Variants in ZNF536 observed in about 807,000 individuals in gnomAD.
ZNF536 encodes zinc finger protein 536.
In ZNF536, 13 loss-of-function variants were observed where a neutral mutation model predicts 84.5. The observed-to-expected ratio is 0.15, with a 90% CI of 0.10 to 0.24. The LOEUF (loss-of-function observed/expected upper bound fraction) is 0.24, where lower values mean the gene tolerates loss of function less well. Among genes scored for constraint, ZNF536 ranks in the 10% least tolerant of loss-of-function variants. The pLI is 1.00. For missense variants in ZNF536, 1,536 were observed against 1,747.5 expected, an observed-to-expected ratio of 0.88 and a Z score of 2.16; for synonymous variants, 811 against 742.5, an observed-to-expected ratio of 1.09 and a Z score of -1.50.
chr19:30,553,653 C>T (rs1200864984), intron 4 of ZNF536, among the ~76,000 whole-genome samples: 1 of 152,178 alleles, frequency 6.6e-6, no homozygotes, highest in Non-Finnish European at 1.5e-5. Flanking sequence ...GGAAGGCTGG[C>T]TGAACTGGTA....
intron 3 of ZNF536, among the ~76,000 whole-genome samples, chr19:30,358,370 C>T (rs1034970956): frequency 8.5e-5 from 13 of 152,312 alleles, no homozygotes; most frequent in African/African-American, 2.9e-4. Context: ...TCACCTCCCC[C>T]GGGATGCCCA....
intron 1 of ZNF536, among the ~76,000 whole-genome samples, chr19:30,613,871 T>G (rs1251331899): frequency 6.6e-6 from 1 of 152,224 alleles, no homozygotes; most frequent in East Asian, 1.9e-4. Flanking sequence ...ATTTATTTAT[T>G]TATTTTTCTG....
intron 3 of ZNF536, among the ~76,000 whole-genome samples, chr19:30,358,928 C>T (rs940298852): frequency 4.6e-5 from 7 of 152,200 alleles, no homozygotes; most frequent in African/African-American, 1.7e-4. Context: ...GGTCTCTTCA[C>T]TCTTGGGGAG....
In ZNF536 at chr19:30,577,936, G is replaced by A. The variant is rs370135114; in HGVS notation, c.169+28422G>A. ...GTTTCCTGTGGTGGGGATGAAGAGA[G>A]TTTCGCAGGCAATGGGAGGAAAATG... On this transcript the variant is annotated intron_variant, in intron 1 of 1. Transcript: ENST00000592773. Among the ~76,000 whole-genome samples the A allele has an allele frequency of 3.9e-5, 6 of 152,212 alleles. No homozygotes were observed. The South Asian group carries it at 1.2e-3, about 32-fold the overall frequency.
rs10402129 is a variant in ZNF536 at position 30,353,992 on chromosome 19, G to A, written c.-3+1508G>A. ...GAACATTCCACTCTGCTTGCCTCCC[G>A]AGATGGAGAAGGTGCTGAAAGCTGC... is the stretch of plus-strand genomic sequence containing the variant. On this transcript the variant is annotated intron_variant, in intron 3 of 5. Coordinates refer to the ZNF536 transcript ENST00000585628. Among the ~76,000 whole-genome samples, 135 of 152,282 alleles carry A rather than the reference G, an allele frequency of 8.9e-4. 1 individual carries two copies. Among genetic ancestry groups the A allele is most frequent in the African/African-American group, 3.0e-3 (124 of 41,558 alleles).
chr19:30,608,971 A>T (rs892261695), intron 1 of ZNF536, among the ~76,000 whole-genome samples: 1 of 152,190 alleles, frequency 6.6e-6, no homozygotes. Context: ...GAAGTGGAGA[A>T]GTCCAGGTGA....
chr19:30,561,967 T>C (rs2046185183), downstream of ZNF536, among the ~76,000 whole-genome samples: 1 of 152,166 alleles, frequency 6.6e-6, no homozygotes, highest in Non-Finnish European at 1.5e-5. Context: ...TGAGAACAGA[T>C]GTGCAGGTCA....
intron 1 of ZNF536, among the ~76,000 whole-genome samples, chr19:30,673,749 C>T (rs765277536): frequency 5.9e-5 from 9 of 152,218 alleles, no homozygotes; most frequent in African/African-American, 1.7e-4. Flanking sequence ...CGTGCACGGA[C>T]GCACGTCCCG....
At chr19:30,683,792 C>T (rs1436326620) in intron 1 of ZNF536, among the ~76,000 whole-genome samples, 1 of 152,160 alleles carries the variant, frequency 6.6e-6, no homozygotes, top group Non-Finnish European at 1.5e-5. Flanking sequence ...TCAACTATCA[C>T]CCACTCCACT....
chr19:30,280,500 G>A (rs771458534), intron 1 of ZNF536, among the ~76,000 whole-genome samples: 16 of 152,202 alleles, frequency 1.1e-4, no homozygotes, highest in Non-Finnish European at 1.0e-4. Flanking sequence ...ACTGTCCTCT[G>A]CATGTGCCCG....
chr19:30,503,578 TAGA>T (rs2055037681), intron 2 of ZNF536, among the ~76,000 whole-genome samples: 1 of 152,142 alleles, frequency 6.6e-6, no homozygotes. Flanking sequence ...TGTGCAAAAA[TAGA>T]AACATTCTCA....
intron 2 of ZNF536, among the ~76,000 whole-genome samples, chr19:30,524,033 CCCCA>C (rs1220103241): frequency 6.6e-6 from 1 of 152,224 alleles, no homozygotes; most frequent in Non-Finnish European, 1.5e-5. Flanking sequence ...GGGGCATTGC[CCCCA>C]CCCCGTGCCC....
intron 1 of ZNF536, among the ~76,000 whole-genome samples, chr19:30,598,023 G>A (rs1457109577): frequency 6.6e-6 from 1 of 152,170 alleles, no homozygotes; most frequent in Non-Finnish European, 1.5e-5. Context: ...ATACATTGTT[G>A]TTGATGGTGT....
At chr19:30,446,997 C>T (rs1291457808) in intron 2 of ZNF536, among the ~76,000 whole-genome samples, 5 of 152,196 alleles carry the variant, frequency 3.3e-5, no homozygotes, top group African/African-American at 2.4e-5. Flanking sequence ...ATACTGTAAT[C>T]ATTCTGCAGC....
Position 30,620,977 on chromosome 19 carries a change from A to G in ZNF536, c.169+71463A>G, listed in dbSNP as rs28439310. Among the ~76,000 whole-genome samples, 737 of 152,282 alleles carry G rather than the reference A, an allele frequency of 4.8e-3. 6 individuals carry two copies. Among genetic ancestry groups the G allele is most frequent in the African/African-American group, 0.017 (700 of 41,558 alleles). ...CTTTATATTTTTAGAAGTGCTGAAC[A>G]AAAGGAAGGGGCTTCTAATCAAGAG... On this transcript the variant is annotated intron_variant, in intron 1 of 1. Transcript: ENST00000592773.
At chr19:30,397,560 A>G (rs1343536703) in intron 1 of ZNF536, among the ~76,000 whole-genome samples, 1 of 152,158 alleles carries the variant, frequency 6.6e-6, no homozygotes, top group Non-Finnish European at 1.5e-5. Context: ...CAATTATCTC[A>G]AGACAAAAAG....
intron 1 of ZNF536, among the ~76,000 whole-genome samples, chr19:30,701,512 CAAACACACAGACACACAA>C (rs2051978103): frequency 3.4e-5 from 3 of 88,976 alleles, no homozygotes; most frequent in African/African-American, 1.1e-4. Flanking sequence ...CAAAAACTCA[CAAACACACAGACACACAA>C]ACACACAGAC....
intron 1 of ZNF536, among the ~76,000 whole-genome samples, chr19:30,247,206 C>T (rs559034573): frequency 1.3e-5 from 2 of 152,364 alleles, no homozygotes; most frequent in South Asian, 4.1e-4. Flanking sequence ...GGTGTGCCCC[C>T]ATTGTAGGCC....
chr19:30,619,449 T>A (rs1751727857), intron 1 of ZNF536, among the ~76,000 whole-genome samples: 1 of 152,212 alleles, frequency 6.6e-6, no homozygotes, highest in African/African-American at 2.4e-5. Flanking sequence ...ACCAAGGTCC[T>A]CAAAGCAGCT....
Sources: allele counts gnomAD v4.1 joint callset (sites outside exome capture counted in the v4.1 genomes callset), GRCh38; gene constraint gnomAD v4.1.1; transcripts MANE v1.5; gene names NCBI Gene and HGNC (gene_info 2026-07-23, HGNC 2026-07-21).